Variants in SPAG16 observed in about 807,000 individuals in gnomAD.
SPAG16 encodes the protein sperm-associated antigen 16 protein.
SPAG16 carries 86 observed loss-of-function variants against 80.4 expected under a neutral mutation model. The observed-to-expected ratio is 1.07, with a 90% confidence interval of 0.90 to 1.28. SPAG16 has a LOEUF of 1.28. SPAG16 is among the 50% of genes most tolerant of loss of function. The pLI is 0.00. For synonymous variants in SPAG16, 294 were observed against 265.9 expected, an observed-to-expected ratio of 1.11 and a Z score of -1.03; for missense variants, 870 against 765.3, an observed-to-expected ratio of 1.14 and a Z score of -1.61.
chr2:214,281,746 C>T (rs537121330), intron 15 of SPAG16, among the ~76,000 whole-genome samples: 1 of 152,326 alleles, frequency 6.6e-6, no homozygotes, highest in East Asian at 1.9e-4. Flanking sequence ...CCCAAATATT[C>T]ATAGAACCTT....
chr2:213,518,029 T>C (rs566630233), intron 10 of SPAG16, among the ~76,000 whole-genome samples: 1 of 152,118 alleles, frequency 6.6e-6, no homozygotes, highest in Non-Finnish European at 1.5e-5. Flanking sequence ...CCCTACAGAA[T>C]GGGAGCAAAT....
At chr2:213,356,075 A>G (rs1559448154) in intron 7 of SPAG16, among the ~76,000 whole-genome samples, 1 of 152,198 alleles carries the variant, frequency 6.6e-6, no homozygotes, top group Non-Finnish European at 1.5e-5. Flanking sequence ...AGATTTTAGC[A>G]TGAAGTGATG....
intron 10 of SPAG16, among the ~76,000 whole-genome samples, chr2:213,542,604 C>A (rs1486584093): frequency 6.6e-6 from 1 of 151,828 alleles, no homozygotes; most frequent in Non-Finnish European, 1.5e-5. Context: ...ATAAAAACAA[C>A]AACCAGAAAA....
intron 15 of SPAG16, among the ~76,000 whole-genome samples, chr2:214,390,495 C>T (rs1328245862): frequency 6.6e-6 from 1 of 152,158 alleles, no homozygotes; most frequent in African/African-American, 2.4e-5. Context: ...CCCACTTTAT[C>T]TCAGGCTCAC....
At chr2:214,171,527 T>C (rs1251248581) in intron 15 of SPAG16, among the ~76,000 whole-genome samples, 1 of 152,010 alleles carries the variant, frequency 6.6e-6, no homozygotes, top group African/African-American at 2.4e-5. Flanking sequence ...TCATTACTTT[T>C]CACAAACTTG....
At chr2:213,975,620 G>C (rs1198762820) in intron 12 of SPAG16, among the ~76,000 whole-genome samples, 2 of 151,510 alleles carry the variant, frequency 1.3e-5, no homozygotes, top group African/African-American at 2.4e-5. Context: ...ATGTAGCGGG[G>C]AAAACAGAAA....
At position 213,672,827 on chromosome 2, in the gene SPAG16, G is replaced by GT. The variant is rs200763363; in HGVS notation, c.1070+182746dup. ...AATAACTAATTTTCATCAATGATCA[G>GT]TTTTTTTTTGTTTGTTTGTTTTATT... On this transcript the variant is annotated intron_variant, in intron 10 of 15. Transcript: ENST00000331683. 8.2e-3 allele frequency among the ~76,000 whole-genome samples: 1,184 copies of GT among 143,714 alleles called. 14 individuals are homozygous for GT. Among genetic ancestry groups the GT allele is most frequent in the African/African-American group, 0.028 (1,103 of 39,004 alleles). The allele number at this position is 143,714 out of a possible 152,430, so 94.3% of individuals were successfully genotyped here.
chr2:214,362,060 A>G lies in SPAG16; in HGVS notation c.1721-48080A>G, dbSNP rs180870346. 4.1e-3 allele frequency among the ~76,000 whole-genome samples: 628 copies of G among 152,008 alleles called. 3 individuals are homozygous for G. The highest frequency in any genetic ancestry group is 0.037 in the Middle Eastern group (11 of 294). ...TGGTAACAAACAATCCCCAAATTTC[A>G]GTAACCTACAGGAGCAAAGTTTTAT... On this transcript the variant is annotated intron_variant, in intron 15 of 15. Coordinates refer to ENST00000331683, the MANE Select transcript of SPAG16 (RefSeq NM_024532.5).
chr2:213,834,698 G>A (rs577643463), intron 10 of SPAG16, among the ~76,000 whole-genome samples: 1 of 152,076 alleles, frequency 6.6e-6, no homozygotes, highest in South Asian at 2.1e-4. Flanking sequence ...AGTGGAAAGA[G>A]GTCAGAGAAA....
chr2:213,785,053 G>T (rs1478720505), intron 10 of SPAG16, among the ~76,000 whole-genome samples: 1 of 152,024 alleles, frequency 6.6e-6, no homozygotes, highest in Non-Finnish European at 1.5e-5. Flanking sequence ...TATTAGAAAG[G>T]TCTATACCTC....
chr2:213,733,609 C>A (rs1157369655), intron 10 of SPAG16, among the ~76,000 whole-genome samples: 1 of 149,990 alleles, frequency 6.7e-6, no homozygotes, highest in African/African-American at 2.5e-5. Flanking sequence ...GCCTCCAAGA[C>A]TTTCTTGTAT....
chr2:214,030,622 A>C (rs2048357942), intron 13 of SPAG16, among the ~76,000 whole-genome samples: 1 of 152,198 alleles, frequency 6.6e-6, no homozygotes, highest in Non-Finnish European at 1.5e-5. Flanking sequence ...ATGTCTTTCA[A>C]GTTAATTTAA....
At chr2:213,437,172 T>A (rs2070696132) in intron 9 of SPAG16, among the ~76,000 whole-genome samples, 1 of 152,198 alleles carries the variant, frequency 6.6e-6, no homozygotes, top group Admixed American at 6.5e-5. Flanking sequence ...GTGCTGGCAT[T>A]ACAGGCATGA....
At chr2:214,327,114 AT>A (rs1195270494) in intron 15 of SPAG16, among the ~76,000 whole-genome samples, 1 of 152,190 alleles carries the variant, frequency 6.6e-6, no homozygotes, top group Non-Finnish European at 1.5e-5. Flanking sequence ...AAAATTAAGC[AT>A]TTTTATAAAT....
chr2:213,912,394 G>A (rs2077717386), intron 11 of SPAG16, among the ~76,000 whole-genome samples: 1 of 152,050 alleles, frequency 6.6e-6, no homozygotes, highest in South Asian at 2.1e-4. Context: ...GAGAAACTAT[G>A]AGACATTTAT....
At chr2:214,226,664 C>T (rs996551952) in intron 15 of SPAG16, among the ~76,000 whole-genome samples, 1 of 151,940 alleles carries the variant, frequency 6.6e-6, no homozygotes, top group Non-Finnish European at 1.5e-5. Context: ...AAATACTCCC[C>T]CCAAAGCTTA....
At chr2:213,861,476 G>C (rs982649875) in intron 10 of SPAG16, among the ~76,000 whole-genome samples, 2 of 152,120 alleles carry the variant, frequency 1.3e-5, no homozygotes, top group Non-Finnish European at 2.9e-5. Flanking sequence ...ACATGTGATC[G>C]CTGTTTTTTA....
intron 10 of SPAG16, among the ~76,000 whole-genome samples, chr2:213,504,949 A>G (rs559758682): frequency 6.6e-6 from 1 of 152,344 alleles, no homozygotes; most frequent in East Asian, 1.9e-4. Context: ...GGAATTTTCC[A>G]AGGCAATGTG....
intron 13 of SPAG16, among the ~76,000 whole-genome samples, chr2:214,096,476 T>G (rs1002529901): frequency 1.3e-5 from 2 of 152,020 alleles, no homozygotes; most frequent in Non-Finnish European, 2.9e-5. Context: ...TATAGTCTAA[T>G]GTAAGGTGAT....
Sources: allele counts gnomAD v4.1 joint callset (sites outside exome capture counted in the v4.1 genomes callset), GRCh38; gene constraint gnomAD v4.1.1; transcripts MANE v1.5; gene names NCBI Gene and HGNC (gene_info 2026-07-23, HGNC 2026-07-21).